WDR70: variants seen among roughly 807,000 people sequenced by gnomAD.
The protein encoded by WDR70 is WD repeat domain 70.
In WDR70, 53 loss-of-function variants were observed where a neutral mutation model predicts 88.6. The ratio of observed to expected loss-of-function variants is 0.60; its 90% confidence interval spans 0.48 to 0.75. The LOEUF is 0.75. WDR70 is among the 30% of genes least tolerant of loss of function. WDR70 has a pLI of 0.00. For synonymous variants in WDR70, 280 were observed against 270.0 expected (o/e 1.04, Z -0.36); for missense variants, 610 against 823.2 (o/e 0.74, Z 3.17).
At chr5:37,502,911 A>G (rs1300275552) in intron 8 of WDR70, among the ~76,000 whole-genome samples, 2 of 152,200 alleles carry the variant, frequency 1.3e-5, no homozygotes. Context: ...ATTCACCCCC[A>G]TGATCCAAAC....
chr5:37,519,726 G>T (rs989595576), intron 9 of WDR70, among the ~76,000 whole-genome samples: 1 of 152,168 alleles, frequency 6.6e-6, no homozygotes, highest in Non-Finnish European at 1.5e-5. Context: ...CAGATGGGGC[G>T]GCTGGGCAGA....
rs150927682 is a variant in WDR70 at position 37,690,976 on chromosome 5, A to G, written c.1093-6679A>G. Among the ~76,000 whole-genome samples the G allele has an allele frequency of 2.5e-3, 381 of 152,304 alleles. 5 individuals carry two copies. The highest frequency in any genetic ancestry group is 8.6e-3 in the African/African-American group (357 of 41,560). ...CCCATCAGTGTGCTGTATTCAGGAG[A>G]CCCATCTCACATGAAGAGACACACA... On this transcript the variant is annotated intron_variant, in intron 10 of 17. Coordinates refer to ENST00000265107, the MANE Select transcript of WDR70 (RefSeq NM_018034.4).
At chr5:37,728,361 A>C (rs1748049172) in intron 17 of WDR70, among the ~76,000 whole-genome samples, 1 of 56,854 alleles carries the variant, frequency 1.8e-5, no homozygotes, top group South Asian at 4.3e-4. Context: ...AAAAAAAAAA[A>C]AACAAAAAAA....
At chr5:37,682,171 C>T (rs763959108) in intron 10 of WDR70, among the ~76,000 whole-genome samples, 2 of 152,024 alleles carry the variant, frequency 1.3e-5, no homozygotes, top group Non-Finnish European at 2.9e-5. Flanking sequence ...TTGTATGTGT[C>T]CAGGAATTTA....
chr5:37,438,844 A>G (rs1184170633), intron 6 of WDR70, among the ~76,000 whole-genome samples: 1 of 151,894 alleles, frequency 6.6e-6, no homozygotes, highest in African/African-American at 2.4e-5. Flanking sequence ...CTTAGTTTTA[A>G]TTTCTAGTGG....
At chr5:37,644,090 C>G (rs888522083) in intron 10 of WDR70, among the ~76,000 whole-genome samples, 1 of 151,896 alleles carries the variant, frequency 6.6e-6, no homozygotes, top group Non-Finnish European at 1.5e-5. Flanking sequence ...TTTCAGTTTT[C>G]CCCCTAATCA....
At chr5:37,619,099 C>T (rs532552145) in intron 10 of WDR70, among the ~76,000 whole-genome samples, 7 of 152,100 alleles carry the variant, frequency 4.6e-5, no homozygotes, top group East Asian at 3.9e-4. Context: ...TTGCTCATTC[C>T]GTGTCATGGT....
chr5:37,580,572 A>G (rs1268185954), intron 9 of WDR70, among the ~76,000 whole-genome samples: 2 of 152,226 alleles, frequency 1.3e-5, no homozygotes, highest in Non-Finnish European at 2.9e-5. Context: ...GCATGTTGCT[A>G]TATTCTCTCT....
chr5:37,549,324 T>C (rs1012123102), intron 9 of WDR70, among the ~76,000 whole-genome samples: 3 of 152,208 alleles, frequency 2.0e-5, no homozygotes, highest in Non-Finnish European at 4.4e-5. Context: ...ATCAGTTTTT[T>C]ATAGTCTTCA....
intron 5 of WDR70, among the ~76,000 whole-genome samples, chr5:37,414,534 T>C (rs1230994658): frequency 6.6e-6 from 1 of 152,030 alleles, no homozygotes; most frequent in East Asian, 1.9e-4. Flanking sequence ...TATCATTATC[T>C]GACATTTTTG....
chr5:37,540,634 C>CGGGTT (rs1741790161), intron 9 of WDR70, among the ~76,000 whole-genome samples: 2 of 152,228 alleles, frequency 1.3e-5, no homozygotes, highest in Admixed American at 1.3e-4. Flanking sequence ...CCCGCCTCGG[C>CGGGTT]CTCCCAAAGT....
At chr5:37,635,828 G>A (rs1337480756) in intron 10 of WDR70, among the ~76,000 whole-genome samples, 1 of 152,150 alleles carries the variant, frequency 6.6e-6, no homozygotes, top group East Asian at 1.9e-4. Context: ...GTCATGGGAG[G>A]GTGGGAGGTA....
intron 8 of WDR70, among the ~76,000 whole-genome samples, chr5:37,502,286 G>A (rs1011371359): frequency 2.6e-5 from 4 of 151,598 alleles, no homozygotes; most frequent in African/African-American, 9.7e-5. Flanking sequence ...TTGCCTGATT[G>A]CTCTAGCTAG....
rs1748845829 is a variant in WDR70 at position 37,752,553 on chromosome 5, T to C, written c.1945T>C (p.Trp649Arg). 3 of 1,612,520 alleles carry C rather than the reference T, an allele frequency of 1.9e-6. No individual in the cohort carries two copies. Among genetic ancestry groups the C allele is most frequent in the Middle Eastern group, 3.3e-4 (2 of 6,052 alleles). ...DDEEAKNEPE[W>R]KKRKI is the part of the protein sequence containing the mutation. ...TGAGGAAGCAAAGAATGAGCCAGAA[T>C]GGAAAAAACGTAAAATTTGAAGAAT... is the stretch of plus-strand genomic sequence containing the variant. The change falls in exon 18 of 18, where the codon TGG becomes CGG. Residue 649 changes from tryptophan to arginine, a missense_variant. Transcript: ENST00000265107.
intron 10 of WDR70, among the ~76,000 whole-genome samples, chr5:37,663,395 C>A (rs1745753577): frequency 6.6e-6 from 1 of 152,174 alleles, no homozygotes; most frequent in Admixed American, 6.5e-5. Flanking sequence ...ACTCGACTAT[C>A]CCAGTAATAT....
chr5:37,392,126 T>A lies in WDR70; in HGVS notation c.296+6T>A, dbSNP rs760293046. 1.1e-5 allele frequency: 17 copies of A among 1,602,130 alleles called. No homozygotes were observed. Among genetic ancestry groups the A allele is most frequent in the Admixed American group, 3.6e-5 (2 of 56,040 alleles). On this transcript the variant is annotated splice_donor_region_variant and intron_variant, in intron 4 of 17. Transcript: ENST00000265107. ...TGCTCCAAATCATCTTCCAGGTGCCTGATTTTCAGAAAGACTTCTATTAAA... is the reference window on the plus strand; with the variant it reads ...TGCTCCAAATCATCTTCCAGGTGCCAGATTTTCAGAAAGACTTCTATTAAA...
At chr5:37,388,645 CAGG>C (rs2111871548) in intron 3 of WDR70, among the ~76,000 whole-genome samples, 1 of 149,696 alleles carries the variant, frequency 6.7e-6, no homozygotes, top group East Asian at 2.0e-4. Context: ...GAGGCTTAGG[CAGG>C]AGAATTGCTT....
chr5:37,550,636 G>C (rs1245203113), intron 9 of WDR70, among the ~76,000 whole-genome samples: 1 of 152,156 alleles, frequency 6.6e-6, no homozygotes, highest in Non-Finnish European at 1.5e-5. Context: ...CTTTATAGGG[G>C]AGGTGTGTTT....
chr5:37,504,617 T>C (rs1376857665), intron 8 of WDR70, among the ~76,000 whole-genome samples: 4 of 152,218 alleles, frequency 2.6e-5, no homozygotes, highest in Non-Finnish European at 4.4e-5. Flanking sequence ...GTAAAAGTAA[T>C]AAAGCAAAGA....
Sources: gnomAD v4.1 joint callset for allele counts (sites outside exome capture counted in the v4.1 genomes callset) on GRCh38, gnomAD v4.1.1 for gene constraint, MANE v1.5 for transcripts, NCBI Gene and HGNC (gene_info 2026-07-23, HGNC 2026-07-21) for gene names.